The following ACOT1 variants were observed in gnomAD, a reference collection of about 807,000 sequenced individuals.
ACOT1 encodes acyl-CoA thioesterase 1, also known as acyl-coenzyme A thioesterase 1.
A neutral mutation model predicts 15.7 loss-of-function variants in ACOT1; 8 were observed. The ratio of observed to expected loss-of-function variants is 0.51; its 90% CI spans 0.30 to 0.92. The LOEUF is 0.92. ACOT1 is among the 40% of genes least tolerant of loss of function. The pLI is 0.06. For synonymous variants in ACOT1, 67 were observed against 241.2 expected, an observed-to-expected ratio of 0.28 and a Z score of 6.69; for missense variants, 151 against 539.4, an observed-to-expected ratio of 0.28 and a Z score of 7.13.
chr14:73,491,846 C>T, the ACOT1 span: 1 of 1,609,482 alleles, frequency 6.2e-7, no homozygotes, highest in Non-Finnish European at 8.5e-7. Flanking sequence ...GACCCTGAAC[C>T]CACCCGGCCG....
At chr14:73,496,503 T>TG in the ACOT1 span, 1 of 727,332 alleles carries the variant, frequency 1.4e-6, no homozygotes, top group Non-Finnish European at 2.4e-6. Flanking sequence ...ACTTCTATGG[T>TG]GGGAAAAAGG....
chr14:73,514,250 G>C, the ACOT1 span: 1 of 1,610,386 alleles, frequency 6.2e-7, no homozygotes, highest in Non-Finnish European at 8.5e-7. Context: ...CAACGTGGCA[G>C]TGTGAGGTCT....
the ACOT1 span, chr14:73,496,791 C>A: frequency 1.5e-6 from 1 of 670,630 alleles, no homozygotes; most frequent in Non-Finnish European, 2.7e-6. Flanking sequence ...CCAATCCTAA[C>A]TGTGCAGTTT....
the ACOT1 span, among the ~76,000 whole-genome samples, chr14:73,527,961 CAA>C: frequency 0.11 from 6,004 of 52,554 alleles, 132 homozygotes; most frequent in African/African-American, 0.14. Context: ...AACTCCATCT[CAA>C]AAAAAAAAAA....
chr14:73,499,078 G>A, the ACOT1 span: 1 of 1,613,950 alleles, frequency 6.2e-7, no homozygotes, highest in South Asian at 1.1e-5. Flanking sequence ...TACCTCGAAT[G>A]GCAAAGGCCT....
At chr14:73,531,575 ATTG>A in the ACOT1 span, among the ~76,000 whole-genome samples, 2 of 108,352 alleles carry the variant, frequency 1.8e-5, 1 homozygote, top group Non-Finnish European at 4.0e-5. Context: ...CGCCCCACTA[ATTG>A]TTGTACTTTT....
At chr14:73,519,183 C>A in the ACOT1 span, 1 of 1,605,718 alleles carries the variant, frequency 6.2e-7, no homozygotes. Flanking sequence ...GACAAAGAAA[C>A]AATGAGTCCC....
chr14:73,524,629 A>G, the ACOT1 span, among the ~76,000 whole-genome samples: 1 of 149,970 alleles, frequency 6.7e-6, no homozygotes, highest in East Asian at 1.9e-4. Flanking sequence ...TTCAGATCAC[A>G]TAGCCCGTAA....
chr14:73,500,775 G>C, the ACOT1 span: 1 of 1,579,042 alleles, frequency 6.3e-7, no homozygotes, highest in Non-Finnish European at 8.7e-7. Context: ...TAAACTTTCA[G>C]TACCTAACCC....
the ACOT1 span, chr14:73,493,245 C>A: frequency 2.6e-6 from 2 of 781,810 alleles, no homozygotes; most frequent in Admixed American, 2.5e-5. Flanking sequence ...CTGACCATGT[C>A]GTTCTGCTTG....
At chr14:73,498,457 A>G in the ACOT1 span, 1 of 932,042 alleles carries the variant, frequency 1.1e-6, no homozygotes, top group East Asian at 2.7e-5. Flanking sequence ...GGTAATCACC[A>G]TTAGAATTTT....
the ACOT1 span, among the ~76,000 whole-genome samples, chr14:73,531,773 C>A: frequency 8.9e-6 from 1 of 112,716 alleles, no homozygotes; most frequent in African/African-American, 2.9e-5. Flanking sequence ...GTAATCCCAG[C>A]AACTTGGGAG....
At position 73,542,025 on chromosome 14, in the gene ACOT1, T is replaced by C. The variant is rs1889103433; in HGVS notation, c.660+330T>C. Among the ~76,000 whole-genome samples the C allele has an allele frequency of 1.8e-5, 2 of 112,490 alleles. 1 individual carries two copies. Among genetic ancestry groups the C allele is most frequent in the Non-Finnish European group, 3.8e-5 (2 of 52,412 alleles). The allele number at this position is 112,490 out of a possible 152,430, so 73.8% of individuals were successfully genotyped here. On this transcript the variant is annotated intron_variant, in intron 2 of 2. Transcript: ENST00000311148. Reference sequence around the variant, plus strand: ...CACCTGCCAACATGCCTGGATAATTTTTGTATTTTCAGTAGAGACGGGGTT... The same window carrying C: ...CACCTGCCAACATGCCTGGATAATTCTTGTATTTTCAGTAGAGACGGGGTT...
the ACOT1 span, among the ~76,000 whole-genome samples, chr14:73,526,086 CT>C: frequency 8.5e-5 from 13 of 152,292 alleles, no homozygotes; most frequent in African/African-American, 3.1e-4. Flanking sequence ...CTATGCCCCC[CT>C]CCCTCACCTC....
the ACOT1 span, chr14:73,498,998 C>G: frequency 7.8e-7 from 1 of 1,281,398 alleles, no homozygotes. Flanking sequence ...TAGAGAGTTT[C>G]AGGGGATCAT....
chr14:73,518,175 C>T, the ACOT1 span, among the ~76,000 whole-genome samples: 1 of 152,168 alleles, frequency 6.6e-6, no homozygotes, highest in Non-Finnish European at 1.5e-5. Flanking sequence ...GTGCCTGTGC[C>T]TCCAAGGATA....
At chr14:73,507,268 A>C in the ACOT1 span, among the ~76,000 whole-genome samples, 1 of 152,208 alleles carries the variant, frequency 6.6e-6, no homozygotes, top group Admixed American at 6.5e-5. Context: ...CTTCTTGCAT[A>C]TGCAAATAGA....
the ACOT1 span, chr14:73,492,487 C>T: frequency 6.2e-7 from 1 of 1,613,764 alleles, no homozygotes; most frequent in Non-Finnish European, 8.5e-7. This position sits in a 1 kb window ranked among gnomAD's most constrained non-coding sequence, Gnocchi z 4.9. Context: ...GCCTGGGACA[C>T]TTTGCTCCTG....
chr14:73,535,651 G>T (rs555526693), upstream of ACOT1, among the ~76,000 whole-genome samples: 374 of 108,664 alleles, frequency 3.4e-3, 73 homozygotes, highest in African/African-American at 0.011. Context: ...TGTATTTTTG[G>T]TTTTTTTTTA....
Sources: gnomAD v4.1 joint callset for allele counts (sites outside exome capture counted in the v4.1 genomes callset) on GRCh38, gnomAD v4.1.1 for gene constraint, Gnocchi (gnomAD v3.1) non-coding constraint, MANE v1.5 for transcripts, NCBI Gene and HGNC (gene_info 2026-07-23, HGNC 2026-07-21) for gene names.